ITFG1: variants seen among roughly 807,000 people sequenced by gnomAD.
ITFG1 encodes T-cell immunomodulatory protein.
A neutral mutation model predicts 81.8 loss-of-function variants in ITFG1; 34 were observed. The observed-to-expected ratio is 0.42, with a 90% CI of 0.32 to 0.55. The LOEUF is 0.55. ITFG1 is among the 20% of genes least tolerant of loss of function. ITFG1 has a pLI of 0.17. For synonymous variants in ITFG1, 285 were observed against 270.6 expected (o/e 1.05, Z -0.52); for missense variants, 672 against 755.4 (o/e 0.89, Z 1.29).
intron 10 of ITFG1, among the ~76,000 whole-genome samples, chr16:47,262,509 T>C (rs1966222141): frequency 1.3e-5 from 2 of 152,240 alleles, no homozygotes; most frequent in South Asian, 2.1e-4. Flanking sequence ...GCGGACTTTC[T>C]ACAGTATTCT....
chr16:47,341,400 GAAAAAAAA>G (rs545419792), intron 8 of ITFG1, among the ~76,000 whole-genome samples: 3 of 64,356 alleles, frequency 4.7e-5, no homozygotes, highest in African/African-American at 1.8e-4. Context: ...CTGCGCCACT[GAAAAAAAA>G]AAAAAAAAGA....
intron 10 of ITFG1, among the ~76,000 whole-genome samples, chr16:47,282,397 T>G (rs1167936099): frequency 6.6e-6 from 1 of 152,146 alleles, no homozygotes; most frequent in Non-Finnish European, 1.5e-5. Flanking sequence ...CCAGCCATGT[T>G]GCTGCAAAAG....
intron 7 of ITFG1, among the ~76,000 whole-genome samples, chr16:47,367,997 G>A (rs1398448692): frequency 3.3e-5 from 5 of 152,116 alleles, no homozygotes; most frequent in Admixed American, 3.3e-4. Context: ...CAGCACTTTG[G>A]GAGGTCGAGG....
intron 8 of ITFG1, among the ~76,000 whole-genome samples, chr16:47,324,910 C>T (rs7498593): frequency 0.045 from 6,817 of 152,220 alleles, 203 homozygotes; most frequent in African/African-American, 0.069. Flanking sequence ...CCACTGTCAA[C>T]ATTAGACAGA....
chr16:47,379,688 C>CAA (rs796178640), intron 6 of ITFG1, among the ~76,000 whole-genome samples: 5 of 73,954 alleles, frequency 6.8e-5, no homozygotes, highest in African/African-American at 1.5e-4. Context: ...TATTCCATCT[C>CAA]AAAAAAAAAA....
At chr16:47,210,303 C>T (rs1965547874) in intron 14 of ITFG1, among the ~76,000 whole-genome samples, 4 of 152,112 alleles carry the variant, frequency 2.6e-5, no homozygotes, top group Non-Finnish European at 5.9e-5. Flanking sequence ...ATACTGTTAA[C>T]GTCTTTTCAT....
chr16:47,315,767 C>CCATATATATATATATATATATATATATA (rs1967344880), intron 8 of ITFG1, among the ~76,000 whole-genome samples: 1 of 128,518 alleles, frequency 7.8e-6, no homozygotes, highest in African/African-American at 4.1e-5. Flanking sequence ...ATTCTAAATG[C>CCATATATATATATATATATATATATATA]CATATATATA....
At chr16:47,224,736 A>C (rs1295000391) in intron 13 of ITFG1, among the ~76,000 whole-genome samples, 1 of 152,228 alleles carries the variant, frequency 6.6e-6, no homozygotes, top group African/African-American at 2.4e-5. Flanking sequence ...AACTGCCTTC[A>C]AGGAAGCACA....
At chr16:47,306,012 C>G (rs2151561915) in intron 10 of ITFG1, among the ~76,000 whole-genome samples, 1 of 152,188 alleles carries the variant, frequency 6.6e-6, no homozygotes, top group East Asian at 1.9e-4. Context: ...ATTGATAATA[C>G]CACTGAACGA....
intron 6 of ITFG1, among the ~76,000 whole-genome samples, chr16:47,387,389 C>A (rs973777169): frequency 6.6e-6 from 1 of 152,230 alleles, no homozygotes; most frequent in Non-Finnish European, 1.5e-5. Flanking sequence ...GGAAAAGAAT[C>A]TGGCTCCATT....
chr16:47,428,329 A>G (rs950684228), intron 6 of ITFG1, among the ~76,000 whole-genome samples: 10 of 152,208 alleles, frequency 6.6e-5, no homozygotes, highest in Non-Finnish European at 1.0e-4. Context: ...ATTGGGCCAT[A>G]TAATTGTTGA....
intron 2 of ITFG1, among the ~76,000 whole-genome samples, chr16:47,454,456 T>C (rs1969427321): frequency 6.6e-6 from 1 of 152,190 alleles, no homozygotes; most frequent in African/African-American, 2.4e-5. Flanking sequence ...ATAGTTCCTT[T>C]GTCAAGGACA....
At chr16:47,233,478 A>T (rs1965839480) in intron 13 of ITFG1, among the ~76,000 whole-genome samples, 2 of 152,224 alleles carry the variant, frequency 1.3e-5, no homozygotes, top group Non-Finnish European at 2.9e-5. Context: ...ACCTCCAGGA[A>T]TTCCACCAGA....
intron 10 of ITFG1, among the ~76,000 whole-genome samples, chr16:47,271,311 C>T (rs1413416915): frequency 6.6e-6 from 1 of 152,022 alleles, no homozygotes; most frequent in Non-Finnish European, 1.5e-5. Context: ...AGCAAAGAAT[C>T]TGAATAGTTT....
chr16:47,305,020 G>C (rs1401614198), intron 10 of ITFG1, among the ~76,000 whole-genome samples: 2 of 152,056 alleles, frequency 1.3e-5, no homozygotes, highest in Non-Finnish European at 2.9e-5. Flanking sequence ...CTTTATCACA[G>C]TATAATTTTA....
At chr16:47,298,768 G>A (rs1446636545) in intron 10 of ITFG1, among the ~76,000 whole-genome samples, 1 of 152,142 alleles carries the variant, frequency 6.6e-6, no homozygotes, top group Non-Finnish European at 1.5e-5. Flanking sequence ...CTTGTGTTTT[G>A]GAGGCTGACC....
intron 14 of ITFG1, among the ~76,000 whole-genome samples, chr16:47,194,064 A>T (rs1965325978): frequency 6.6e-6 from 1 of 152,180 alleles, no homozygotes; most frequent in Admixed American, 6.5e-5. Flanking sequence ...TTTGATTGTT[A>T]AATTATTTTT....
chr16:47,277,094 A>G (rs1179697440), intron 10 of ITFG1, among the ~76,000 whole-genome samples: 1 of 152,194 alleles, frequency 6.6e-6, no homozygotes, highest in Non-Finnish European at 1.5e-5. Flanking sequence ...ACATGAGAAG[A>G]GCCTACTGAA....
intron 12 of ITFG1, among the ~76,000 whole-genome samples, chr16:47,240,791 G>C (rs1050241359): frequency 6.6e-6 from 1 of 152,148 alleles, no homozygotes; most frequent in African/African-American, 2.4e-5. Flanking sequence ...TAAATAAGCA[G>C]TCATTTATTG....
Sources: gnomAD v4.1 joint callset for allele counts (sites outside exome capture counted in the v4.1 genomes callset) on GRCh38, gnomAD v4.1.1 for gene constraint, MANE v1.5 for transcripts, NCBI Gene and HGNC (gene_info 2026-07-23, HGNC 2026-07-21) for gene names.